The following COL5A2 variants were observed in gnomAD, a reference collection of about 807,000 sequenced individuals.
The protein encoded by COL5A2 is collagen alpha-2(V) chain.
Under a neutral mutation model 208.2 loss-of-function variants are expected in COL5A2, and 23 were observed. The observed-to-expected ratio is 0.11, with a 90% CI of 0.08 to 0.16. The LOEUF (loss-of-function observed/expected upper bound fraction) is 0.16. Among genes scored for constraint, COL5A2 ranks in the 10% least tolerant of loss-of-function variants. The pLI is 1.00. For missense variants in COL5A2, 1,590 were observed against 1,956.4 expected, an observed-to-expected ratio of 0.81 and a Z score of 3.53; for synonymous variants, 625 against 628.5, an observed-to-expected ratio of 0.99 and a Z score of 0.08.
the COL5A2 span, among the ~76,000 whole-genome samples, chr2:189,282,250 G>C: frequency 4.6e-5 from 7 of 151,894 alleles, no homozygotes; most frequent in Admixed American, 1.3e-4. Flanking sequence ...ATATAACAAA[G>C]AAAGATTAAA....
At chr2:189,054,334 C>T in intron 35 of COL5A2, 122 bp from the exon 36 acceptor site, 2 of 718,142 alleles carry the variant, frequency 2.8e-6, no homozygotes, top group South Asian at 3.2e-5. Context: ...CTTTGCAAAT[C>T]ATTATCTATA....
rs551359296 is a variant in COL5A2 at position 189,090,908 on chromosome 2, A to G, written c.567+1402T>C. Among the ~76,000 whole-genome samples the G allele has an allele frequency of 1.6e-3, 247 of 152,308 alleles. 1 individual carries two copies. Among genetic ancestry groups the G allele is most frequent in the African/African-American group, 5.8e-3 (241 of 41,572 alleles). On this transcript the variant is annotated intron_variant, in intron 7 of 53. Transcript: ENST00000374866. The stretch of plus-strand genomic sequence containing the variant: ...CATAAGAGTTCTGATGGAGATATAC[A>G]AGGATATTAATGTTGTTTTCATGCC...
intron 1 of COL5A2, among the ~76,000 whole-genome samples, chr2:189,162,449 C>G (rs1460448081): frequency 1.3e-5 from 2 of 152,096 alleles, no homozygotes; most frequent in African/African-American, 4.8e-5. Flanking sequence ...TCAGAATCAT[C>G]CAAAGCAAAT....
chr2:189,242,729 G>A, the COL5A2 span, among the ~76,000 whole-genome samples: 1 of 152,144 alleles, frequency 6.6e-6, no homozygotes, highest in Non-Finnish European at 1.5e-5. Flanking sequence ...GTATAAAGTG[G>A]GAAGTTTGAT....
At chr2:189,344,011 G>A in the COL5A2 span, among the ~76,000 whole-genome samples, 2 of 152,132 alleles carry the variant, frequency 1.3e-5, no homozygotes, top group African/African-American at 4.8e-5. Context: ...CTTGAAAATT[G>A]CTTGGACTTA....
the COL5A2 span, among the ~76,000 whole-genome samples, chr2:189,412,942 G>C: frequency 6.6e-6 from 1 of 152,178 alleles, no homozygotes; most frequent in Non-Finnish European, 1.5e-5. Flanking sequence ...AGGTGCCTGA[G>C]AATGTTCGTG....
the COL5A2 span, among the ~76,000 whole-genome samples, chr2:189,367,316 T>C: frequency 1.3e-5 from 2 of 152,284 alleles, no homozygotes; most frequent in African/African-American, 2.4e-5. Context: ...CAAACTATGA[T>C]AGTCAGTCCC....
the COL5A2 span, among the ~76,000 whole-genome samples, chr2:189,244,107 C>T: frequency 1.3e-5 from 2 of 152,204 alleles, no homozygotes; most frequent in African/African-American, 4.8e-5. Context: ...ATGGGAGGGG[C>T]TGCCACAAAA....
intron 13 of COL5A2, 103 bp downstream of exon 13, chr2:189,080,887 G>A: frequency 1.0e-6 from 1 of 954,102 alleles, no homozygotes; most frequent in Admixed American, 1.8e-5. Flanking sequence ...AGACAGTTAA[G>A]GACAATTGAC....
chr2:189,248,644 T>C, the COL5A2 span, among the ~76,000 whole-genome samples: 1 of 152,176 alleles, frequency 6.6e-6, no homozygotes, highest in Non-Finnish European at 1.5e-5. Flanking sequence ...CTTTTTGTAA[T>C]ATGTGGCTTT....
chr2:189,133,553 A>T (rs1472659746), intron 1 of COL5A2, among the ~76,000 whole-genome samples: 2 of 152,194 alleles, frequency 1.3e-5, no homozygotes, highest in African/African-American at 4.8e-5. Flanking sequence ...TAGGGATGGC[A>T]TGAAGTCTTT....
At chr2:189,140,044 G>C (rs1480049903) in intron 1 of COL5A2, among the ~76,000 whole-genome samples, 1 of 151,924 alleles carries the variant, frequency 6.6e-6, no homozygotes, top group Non-Finnish European at 1.5e-5. Flanking sequence ...CTGCACTCCA[G>C]TCTGGGCGAC....
At chr2:189,099,355 G>A (rs1391322927) in intron 4 of COL5A2, among the ~76,000 whole-genome samples, 3 of 152,164 alleles carry the variant, frequency 2.0e-5, no homozygotes, top group Non-Finnish European at 4.4e-5. Context: ...TTGACAGACT[G>A]ATGATAACAC....
the COL5A2 span, among the ~76,000 whole-genome samples, chr2:189,423,010 C>T: frequency 5.3e-5 from 7 of 131,050 alleles, no homozygotes; most frequent in African/African-American, 1.1e-4. Flanking sequence ...GCAACAAGAG[C>T]GAAACTCTGT....
In COL5A2 at chr2:189,166,116, T is replaced by A. The variant is rs571061665; in HGVS notation, c.97+13392A>T. On this transcript the variant is annotated intron_variant, in intron 1 of 53. Coordinates refer to ENST00000374866, the MANE Select transcript of COL5A2 (RefSeq NM_000393.5). ...TAGATATGGTCATACTAAATTAGCA[T>A]GGAGCCTTACATTTTAGGCATTTCA... is the stretch of plus-strand genomic sequence containing the variant. Among the ~76,000 whole-genome samples, 3 of 152,280 alleles carry A rather than the reference T, an allele frequency of 2.0e-5. No homozygotes were observed. In the South Asian group the frequency reaches 6.2e-4, roughly 32 times the overall value.
At chr2:189,053,106 CAT>C in intron 38 of COL5A2, 88 bp from the exon 39 acceptor site, 1 of 1,071,106 alleles carries the variant, frequency 9.3e-7, no homozygotes, top group Non-Finnish European at 1.4e-6. Context: ...ATCAATTAAT[CAT>C]ATATTGTGAA....
intron 1 of COL5A2, among the ~76,000 whole-genome samples, chr2:189,117,610 A>G (rs1482063783): frequency 6.6e-6 from 1 of 151,914 alleles, no homozygotes; most frequent in Non-Finnish European, 1.5e-5. Context: ...CACATTCCAG[A>G]TTTCCTTCAT....
chr2:189,105,900 G>T (rs1687139502), intron 2 of COL5A2, among the ~76,000 whole-genome samples: 1 of 151,318 alleles, frequency 6.6e-6, no homozygotes, highest in Non-Finnish European at 1.5e-5. Flanking sequence ...CAAGGTTTAT[G>T]AAATAATTCT....
chr2:189,095,478 CCTCT>C (rs140048790), intron 6 of COL5A2, among the ~76,000 whole-genome samples: 1 of 150,888 alleles, frequency 6.6e-6, no homozygotes, highest in South Asian at 2.1e-4. Context: ...CCCCTTTCTC[CCTCT>C]CTCTCTCTCG....
Sources: gnomAD v4.1 joint callset for allele counts (sites outside exome capture counted in the v4.1 genomes callset) on GRCh38, gnomAD v4.1.1 for gene constraint, MANE v1.5 for transcripts, NCBI Gene and HGNC (gene_info 2026-07-23, HGNC 2026-07-21) for gene names.